Variants in GALNT13 observed in about 807,000 individuals in gnomAD.
The protein encoded by GALNT13 is polypeptide N-acetylgalactosaminyltransferase 13, also known as UDP-GalNAc:polypeptide N-acetylgalactosaminyltransferase 13.
GALNT13 carries 28 observed loss-of-function variants against 64.2 expected under a neutral mutation model. That is an observed-to-expected ratio of 0.44 (90% CI 0.32 to 0.60). The LOEUF (loss-of-function observed/expected upper bound fraction) is 0.60. Among genes scored for constraint, GALNT13 ranks in the 20% least tolerant of loss-of-function variants. GALNT13 has a pLI of 0.05. For missense variants in GALNT13, 577 were observed against 669.8 expected, an observed-to-expected ratio of 0.86 and a Z score of 1.53; for synonymous variants, 214 against 224.6, an observed-to-expected ratio of 0.95 and a Z score of 0.42.
the GALNT13 span, among the ~76,000 whole-genome samples, chr2:153,442,873 C>T: frequency 6.6e-6 from 1 of 152,190 alleles, no homozygotes; most frequent in African/African-American, 2.4e-5. Context: ...ACTCAAGCCT[C>T]AGTAATGGTG....
At chr2:154,110,358 G>GAGAGAGAC (rs1558963189) in intron 3 of GALNT13, among the ~76,000 whole-genome samples, 2 of 100,874 alleles carry the variant, frequency 2.0e-5, no homozygotes, top group Non-Finnish European at 3.8e-5. Flanking sequence ...GAGAGAGAGA[G>GAGAGAGAC]AGAGAGAGAG....
the GALNT13 span, among the ~76,000 whole-genome samples, chr2:153,349,370 T>C: frequency 6.6e-6 from 1 of 152,230 alleles, no homozygotes; most frequent in Non-Finnish European, 1.5e-5. Context: ...TTATCATTTT[T>C]TTCTATCCTA....
the GALNT13 span, among the ~76,000 whole-genome samples, chr2:153,754,661 A>G: frequency 1.3e-5 from 2 of 152,094 alleles, no homozygotes; most frequent in Non-Finnish European, 2.9e-5. Context: ...AGGAGGGATG[A>G]TGTCAGCACT....
intron 3 of GALNT13, among the ~76,000 whole-genome samples, chr2:154,060,735 A>T (rs1700136344): frequency 6.6e-6 from 1 of 152,078 alleles, no homozygotes; most frequent in Admixed American, 6.5e-5. Flanking sequence ...TAGAGGAACA[A>T]ATCCTGGAAC....
At chr2:153,675,077 A>G in the GALNT13 span, among the ~76,000 whole-genome samples, 8 of 152,298 alleles carry the variant, frequency 5.3e-5, no homozygotes, top group Admixed American at 2.0e-4. Context: ...GAGAAACAGG[A>G]ATGCTTTTGC....
the GALNT13 span, among the ~76,000 whole-genome samples, chr2:153,317,806 A>G: frequency 2.0e-5 from 3 of 152,214 alleles, no homozygotes; most frequent in African/African-American, 4.8e-5. Flanking sequence ...AATATAAAAT[A>G]TGAAAATAGG....
chr2:154,022,602 C>T (rs1697596548), intron 3 of GALNT13, among the ~76,000 whole-genome samples: 1 of 151,984 alleles, frequency 6.6e-6, no homozygotes, highest in South Asian at 2.1e-4. Context: ...CTTTATTAGT[C>T]TTGCTAGCGG....
the GALNT13 span, among the ~76,000 whole-genome samples, chr2:153,516,522 C>A: frequency 1.6e-4 from 24 of 152,072 alleles, no homozygotes; most frequent in African/African-American, 5.8e-4. Flanking sequence ...GGGGAGATTA[C>A]AAGTTAGGTG....
the GALNT13 span, among the ~76,000 whole-genome samples, chr2:153,673,295 T>C: frequency 6.6e-6 from 1 of 152,128 alleles, no homozygotes; most frequent in Admixed American, 6.6e-5. Context: ...TGAACATCAA[T>C]GCAAAAATCC....
At chr2:154,207,078 T>A (rs1687501570) in intron 4 of GALNT13, among the ~76,000 whole-genome samples, 1 of 152,206 alleles carries the variant, frequency 6.6e-6, no homozygotes, top group Non-Finnish European at 1.5e-5. Context: ...TATTTATAAT[T>A]TAAAACTATC....
At chr2:153,953,933 G>T (rs1692385225) in intron 3 of GALNT13, among the ~76,000 whole-genome samples, 1 of 152,074 alleles carries the variant, frequency 6.6e-6, no homozygotes, top group African/African-American at 2.4e-5. Flanking sequence ...TGCCAGGGAG[G>T]CTAAGGTTTC....
chr2:153,118,120 C>CAT, the GALNT13 span, among the ~76,000 whole-genome samples: 4 of 148,618 alleles, frequency 2.7e-5, no homozygotes, highest in South Asian at 2.1e-4. Flanking sequence ...CACACACACA[C>CAT]ACACACACAC....
chr2:153,105,354 G>A, the GALNT13 span, among the ~76,000 whole-genome samples: 1 of 151,980 alleles, frequency 6.6e-6, no homozygotes, highest in South Asian at 2.1e-4. Flanking sequence ...TATAAATTAG[G>A]TATTGATGGG....
the GALNT13 span, among the ~76,000 whole-genome samples, chr2:153,399,471 G>C: frequency 6.6e-6 from 1 of 152,042 alleles, no homozygotes. Context: ...AAAGGCATTG[G>C]TAGCTTGATG....
intron 4 of GALNT13, among the ~76,000 whole-genome samples, chr2:154,147,025 A>G (rs1683646582): frequency 6.6e-6 from 1 of 152,104 alleles, no homozygotes; most frequent in Non-Finnish European, 1.5e-5. Context: ...TGTTAGTTTA[A>G]TTCACAAGCC....
chr2:153,759,361 TAGAC>T, the GALNT13 span, among the ~76,000 whole-genome samples: 1 of 152,314 alleles, frequency 6.6e-6, no homozygotes, highest in African/African-American at 2.4e-5. Flanking sequence ...GAGGTGAAAT[TAGAC>T]ATTCATGTCT....
At chr2:153,729,677 G>C in the GALNT13 span, among the ~76,000 whole-genome samples, 3 of 151,870 alleles carry the variant, frequency 2.0e-5, no homozygotes, top group African/African-American at 7.2e-5. Context: ...AAGTCATCCA[G>C]ATAGAAAAAA....
the GALNT13 span, among the ~76,000 whole-genome samples, chr2:153,379,113 C>G: frequency 6.6e-6 from 1 of 152,060 alleles, no homozygotes; most frequent in Non-Finnish European, 1.5e-5. Flanking sequence ...AAAGGCTCTT[C>G]TATCTTTAGA....
chr2:154,191,395 C>T (rs1686571143), intron 4 of GALNT13, among the ~76,000 whole-genome samples: 2 of 152,096 alleles, frequency 1.3e-5, no homozygotes, highest in African/African-American at 4.8e-5. Context: ...AAGAAAAGAG[C>T]TTGGAAAGCT....
Sources: allele counts gnomAD v4.1 joint callset (sites outside exome capture counted in the v4.1 genomes callset), GRCh38; gene constraint gnomAD v4.1.1; transcripts MANE v1.5; gene names NCBI Gene and HGNC (gene_info 2026-07-23, HGNC 2026-07-21).